Variants in PCDHGA1 observed in about 807,000 individuals in gnomAD.
The protein encoded by PCDHGA1 is protocadherin gamma-A1.
PCDHGA1 carries 32 observed loss-of-function variants against 58.0 expected under a neutral mutation model. The observed-to-expected ratio is 0.55, with a 90% CI of 0.42 to 0.74. The LOEUF is 0.74. Ranked by LOEUF, PCDHGA1 falls within the 30% of genes least tolerant of loss-of-function variation. PCDHGA1 has a pLI of 0.00. For synonymous variants in PCDHGA1, 498 were observed against 501.1 expected (o/e 0.99, Z 0.08); for missense variants, 1,205 against 1,182.3 (o/e 1.02, Z -0.28).
At chr5:141,346,347 C>T (rs1757738050) in intron 1 of PCDHGA1, 1 of 1,614,138 alleles carries the variant, frequency 6.2e-7, no homozygotes, top group Admixed American at 1.7e-5. Context: ...GATTTTCCCC[C>T]AGCCCAACTA....
intron 1 of PCDHGA1, among the ~76,000 whole-genome samples, chr5:141,382,012 A>G (rs1777864214): frequency 6.6e-6 from 1 of 151,520 alleles, no homozygotes; most frequent in Admixed American, 6.6e-5. Flanking sequence ...TATTTTTAGT[A>G]GAGACGGGGT....
chr5:141,400,337 C>G (rs752660585), intron 1 of PCDHGA1: 7 of 1,614,080 alleles, frequency 4.3e-6, no homozygotes, highest in African/African-American at 2.7e-5. Flanking sequence ...GTGGTTCCCC[C>G]CAACTACAGT....
chr5:141,476,565 C>T lies in PCDHGA1; in HGVS notation c.2422-18242C>T. 6.2e-7 allele frequency: 1 copy of T among 1,614,184 alleles called. No individual in the cohort carries two copies. Among genetic ancestry groups the T allele is most frequent in the Non-Finnish European group, 8.5e-7 (1 of 1,180,034 alleles). On this transcript the variant is annotated intron_variant, in intron 1 of 3. Coordinates refer to ENST00000517417, the MANE Select transcript of PCDHGA1 (RefSeq NM_018912.3). This position sits in a 1 kb window ranked among gnomAD's most constrained non-coding sequence, Gnocchi z 7.6. ...TTGGAGATTAGCGAGGCCGTGGCTC[C>T]GGGGACGCGCTTTCCGCTCGAGAGC...
intron 1 of PCDHGA1, among the ~76,000 whole-genome samples, chr5:141,472,555 A>T (rs1360460094): frequency 6.6e-6 from 1 of 152,024 alleles, no homozygotes; most frequent in South Asian, 2.1e-4. Flanking sequence ...AAAAAAAATT[A>T]TATTATAAAT....
chr5:141,383,098 A>T, intron 1 of PCDHGA1: 2 of 1,613,954 alleles, frequency 1.2e-6, no homozygotes, highest in Non-Finnish European at 1.7e-6. Context: ...AGTCCGCATC[A>T]TCTCCAGAGG....
At chr5:141,403,403 C>T in intron 1 of PCDHGA1, 5 of 1,614,066 alleles carry the variant, frequency 3.1e-6, no homozygotes, top group Non-Finnish European at 4.2e-6. Context: ...TCCTGGAGCA[C>T]GTTATCCACT....
chr5:141,477,482 C>G lies in PCDHGA1; in HGVS notation c.2422-17325C>G, dbSNP rs1168724444. On this transcript the variant is annotated intron_variant, in intron 1 of 3. Transcript: ENST00000517417. This position sits in a 1 kb window ranked among gnomAD's most constrained non-coding sequence, Gnocchi z 4.9. ...GTCCGACATCAATGACAACCCTCCA[C>G]AATCTTCTCAATCTTCCTACGACGT... 1 of 1,614,118 alleles carries G rather than the reference C, an allele frequency of 6.2e-7. No individual in the cohort carries two copies. The highest frequency in any genetic ancestry group is 1.1e-5 in the South Asian group (1 of 91,074).
At chr5:141,344,651 A>G in intron 1 of PCDHGA1, 2 of 1,613,976 alleles carry the variant, frequency 1.2e-6, no homozygotes, top group Non-Finnish European at 1.7e-6. Context: ...AGAAAAAAGA[A>G]ATTCACCAGC....
chr5:141,457,422 TC>T (rs1038085994), intron 1 of PCDHGA1, among the ~76,000 whole-genome samples: 1 of 151,626 alleles, frequency 6.6e-6, no homozygotes, highest in African/African-American at 2.4e-5. Context: ...CATCCCTTTT[TC>T]CCCCCCACCA....
At chr5:141,340,547 C>T (rs764772557) in intron 1 of PCDHGA1, 2 of 1,614,224 alleles carry the variant, frequency 1.2e-6, no homozygotes, top group African/African-American at 1.3e-5. Flanking sequence ...TGAGCAGTTG[C>T]GAGACTTGCA....
chr5:141,428,891 G>A (rs1382228334), intron 1 of PCDHGA1: 3 of 149,832 alleles, frequency 2.0e-5, no homozygotes, highest in East Asian at 3.9e-4. Flanking sequence ...GTCTCGCTCT[G>A]TGGTCCAGGC....
chr5:141,375,038 G>A (rs1771073387), intron 1 of PCDHGA1: 1 of 1,614,038 alleles, frequency 6.2e-7, no homozygotes, highest in Non-Finnish European at 8.5e-7. Context: ...TGAGCTGGGT[G>A]TTGAAGCCCG....
intron 1 of PCDHGA1, chr5:141,389,441 C>T: frequency 6.2e-7 from 1 of 1,610,584 alleles, no homozygotes; most frequent in South Asian, 1.1e-5. Context: ...GCGCCTTCGA[C>T]CACGAGCAGC....
At chr5:141,350,453 C>A (rs373789913) in intron 1 of PCDHGA1, 68 of 1,611,408 alleles carry the variant, frequency 4.2e-5, no homozygotes, top group South Asian at 1.1e-4. Flanking sequence ...TCGAAAACTG[C>A]GGGTTAGTGC....
chr5:141,458,633 A>C (rs548586597), intron 1 of PCDHGA1, among the ~76,000 whole-genome samples: 12 of 151,884 alleles, frequency 7.9e-5, no homozygotes, highest in Non-Finnish European at 1.5e-4. Flanking sequence ...GCAGTGGCAC[A>C]ATCCCAGCTC....
intron 1 of PCDHGA1, chr5:141,344,797 T>C (rs1757473656): frequency 1.2e-6 from 2 of 1,613,978 alleles, no homozygotes; most frequent in Non-Finnish European, 1.7e-6. Context: ...TGGGAGAACG[T>C]GCCTGTGGGT....
chr5:141,364,962 T>G, intron 1 of PCDHGA1: 1 of 1,613,878 alleles, frequency 6.2e-7, no homozygotes, highest in South Asian at 1.1e-5. Context: ...CACGACCTCC[T>G]CCTCACAGCT....
At chr5:141,474,090 AAACAACAACAAAAAC>A (rs1459798801) in intron 1 of PCDHGA1, among the ~76,000 whole-genome samples, 1 of 152,206 alleles carries the variant, frequency 6.6e-6, no homozygotes, top group African/African-American at 2.4e-5. Flanking sequence ...ACCAAAAAAC[AAACAACAACAAAAAC>A]AACAACAACG....
At chr5:141,488,472 T>C (rs1183465817) in intron 1 of PCDHGA1, among the ~76,000 whole-genome samples, 1 of 152,096 alleles carries the variant, frequency 6.6e-6, no homozygotes, top group East Asian at 1.9e-4. Context: ...CCAGAAATGT[T>C]CCCCTACCCA....
Sources: gnomAD v4.1 joint callset for allele counts (sites outside exome capture counted in the v4.1 genomes callset) on GRCh38, gnomAD v4.1.1 for gene constraint, Gnocchi (gnomAD v3.1) non-coding constraint, MANE v1.5 for transcripts, NCBI Gene and HGNC (gene_info 2026-07-23, HGNC 2026-07-21) for gene names.